GTF2A1L: variants seen among roughly 807,000 people sequenced by gnomAD.
GTF2A1L encodes the protein general transcription factor IIA subunit 1 like, also known as TFIIA-alpha and beta-like factor.
GTF2A1L carries 48 observed loss-of-function variants against 49.7 expected under a neutral mutation model. The observed-to-expected ratio is 0.97, with a 90% CI of 0.77 to 1.23. The LOEUF is 1.23. Among genes scored for constraint, GTF2A1L ranks in the 50% most tolerant of loss-of-function variants. GTF2A1L has a pLI of 0.00. For missense variants in GTF2A1L, 736 were observed against 564.8 expected (o/e 1.30, Z -3.07); for synonymous variants, 246 against 193.5 (o/e 1.27, Z -2.25).
In GTF2A1L at chr2:48,646,936, T is replaced by A. The variant is rs557430813; in HGVS notation, c.872T>A (p.Val291Glu). The A allele has an allele frequency of 1.4e-4, 224 of 1,614,178 alleles. 2 individuals are homozygous for A. In the South Asian group the frequency reaches 2.3e-3, roughly 17 times the overall value. The change falls in exon 6 of 9, where the codon GTG becomes GAG. Residue 291 changes from valine to glutamate, a missense_variant. Transcript: ENST00000403751. ...CCTCATGGGGCTCTCCACCAGCACG[T>A]GACTGATATTCAGCTTCATATTCTT... is the stretch of plus-strand genomic sequence containing the variant. ...TSPHGALHQH[V>E]TDIQLHILKN...
chr2:48,631,516 C>T (rs968185409), intron 3 of GTF2A1L, among the ~76,000 whole-genome samples: 57 of 151,340 alleles, frequency 3.8e-4, no homozygotes, highest in African/African-American at 1.3e-3. Context: ...CCCTTTTTTT[C>T]TTTGTTAATC....
chr2:48,679,121 A>G (rs1265809132), intron 8 of GTF2A1L, among the ~76,000 whole-genome samples: 2 of 152,006 alleles, frequency 1.3e-5, no homozygotes, highest in African/African-American at 4.8e-5. Flanking sequence ...ATAGAAATAT[A>G]TGTATCTTAA....
At chr2:48,658,004 A>G (rs1219805389) in intron 6 of GTF2A1L, among the ~76,000 whole-genome samples, 2 of 152,134 alleles carry the variant, frequency 1.3e-5, no homozygotes, top group Non-Finnish European at 2.9e-5. Context: ...TCTGGATACT[A>G]CAACTTTGTC....
intron 6 of GTF2A1L, among the ~76,000 whole-genome samples, chr2:48,666,320 C>G (rs1311583094): frequency 2.0e-5 from 3 of 152,058 alleles, no homozygotes; most frequent in African/African-American, 4.8e-5. Flanking sequence ...TTTCACCTGC[C>G]TCAGCCTCCT....
At chr2:48,621,759 G>A (rs1285037869) in intron 3 of GTF2A1L, among the ~76,000 whole-genome samples, 2 of 152,070 alleles carry the variant, frequency 1.3e-5, no homozygotes, top group Non-Finnish European at 2.9e-5. Flanking sequence ...TCACTGTTTT[G>A]GATATATAAA....
intron 3 of GTF2A1L, among the ~76,000 whole-genome samples, chr2:48,622,421 T>C (rs889066805): frequency 6.6e-6 from 1 of 152,238 alleles, no homozygotes; most frequent in Admixed American, 6.5e-5. Flanking sequence ...TACTATTTCA[T>C]TGGGACATCT....
In GTF2A1L at chr2:48,646,896, TC is replaced by T; in HGVS notation, c.835del (p.Leu279SerfsTer13). On this transcript the variant is annotated frameshift_variant, in exon 6 of 9. Transcript: ENST00000403751. LOFTEE classifies it high-confidence loss of function. Reference protein sequence around the residue: ...ASMAQNLHDESLSTSPHGALH... With the variant: ...ASMAQNLHDEXLSTSPHGALH... ...CATGGCTCAAAATCTGCATGATGAGTCCCTCTCCACAAGCCCTCATGGGGCT... is the reference window on the plus strand; with the variant it reads ...CATGGCTCAAAATCTGCATGATGAGTCCTCTCCACAAGCCCTCATGGGGCT... 6.2e-7 allele frequency: 1 copy of T among 1,614,062 alleles called. No homozygotes were observed. Among genetic ancestry groups the T allele is most frequent in the South Asian group, 1.1e-5 (1 of 91,070 alleles).
chr2:48,661,246 A>ATTTTTTTTTTTTTTTT (rs1558757501), intron 6 of GTF2A1L, among the ~76,000 whole-genome samples: 3 of 71,848 alleles, frequency 4.2e-5, no homozygotes, highest in African/African-American at 1.9e-4. Context: ...GCATCCCCAA[A>ATTTTTTTTTTTTTTTT]CTTTTTTTTT....
chr2:48,671,463 C>G (rs967320225), intron 7 of GTF2A1L, 128 bp from the exon 8 acceptor site: 2 of 879,642 alleles, frequency 2.3e-6, no homozygotes, highest in East Asian at 5.5e-5. Flanking sequence ...CTAGGCCTCC[C>G]GTAGTGCTGG....
At chr2:48,651,961 G>A (rs899962329) in intron 6 of GTF2A1L, among the ~76,000 whole-genome samples, 2 of 152,174 alleles carry the variant, frequency 1.3e-5, no homozygotes, top group African/African-American at 4.8e-5. Context: ...GGATGTTGCT[G>A]TACAACTCCT....
chr2:48,646,892 T>G lies in GTF2A1L; in HGVS notation c.828T>G (p.Asp276Glu). Residue 276 changes from aspartate (D) to glutamate (E), a missense_variant, in exon 6 of 9, where the codon GAT becomes GAG. Physicochemically the swap from Asp to Glu is conservative, Grantham distance 45. Transcript: ENST00000403751. ...CTAGCATGGCTCAAAATCTGCATGA[T>G]GAGTCCCTCTCCACAAGCCCTCATG... Reference protein sequence around the residue: ...GSASMAQNLHDESLSTSPHGA... With the variant: ...GSASMAQNLHEESLSTSPHGA... 1 of 1,614,224 alleles carries G rather than the reference T, an allele frequency of 6.2e-7. No individual in the cohort carries two copies. The highest frequency in any genetic ancestry group is 8.5e-7 in the Non-Finnish European group (1 of 1,180,038).
At chr2:48,656,653 C>A (rs1219710833) in intron 6 of GTF2A1L, among the ~76,000 whole-genome samples, 2 of 151,972 alleles carry the variant, frequency 1.3e-5, no homozygotes, top group Non-Finnish European at 2.9e-5. Context: ...GTTGCCTTTA[C>A]TCTCTGTTAA....
At chr2:48,669,621 G>A in intron 6 of GTF2A1L, 101 bp from the exon 7 acceptor site, 1 of 1,431,776 alleles carries the variant, frequency 7.0e-7, no homozygotes, top group East Asian at 2.3e-5. Flanking sequence ...AAGTTTGCTT[G>A]AACTGACCAT....
rs529422201 is a variant in GTF2A1L at position 48,637,780 on chromosome 2, T to C, written c.248-4622T>C. Among the ~76,000 whole-genome samples the C allele has an allele frequency of 5.3e-4, 81 of 151,686 alleles. No individual in the cohort carries two copies. The South Asian group carries it at 0.017, about 31-fold the overall frequency. On this transcript the variant is annotated intron_variant, in intron 3 of 8. Coordinates refer to ENST00000403751, the MANE Select transcript of GTF2A1L (RefSeq NM_006872.5). ...TAAACACAATTAGAAATGAAGGGAA[T>C]GTTACCACTGACCCCACAGAAATAA...
chr2:48,645,105 C>T lies in GTF2A1L; in HGVS notation c.376C>T (p.Gln126Ter), dbSNP rs770601769. The part of the protein sequence containing the change: ...PIHVPAGVTL[Q>*]TVSGHLYKVN... ...TCATGTACCAGCAGGTGTGACACTA[C>T]AGACTGTATCTGGTGAGAGTATATT... The change falls in exon 5 of 9, where the codon CAG becomes TAG. Residue 126 changes from glutamine to a stop codon, truncating the protein, a stop_gained. Coordinates refer to ENST00000403751, the MANE Select transcript of GTF2A1L (RefSeq NM_006872.5). LOFTEE classifies it high-confidence loss of function. 6.2e-7 allele frequency: 1 copy of T among 1,609,742 alleles called. No individual in the cohort carries two copies. The highest frequency in any genetic ancestry group is 1.7e-5 in the Admixed American group (1 of 59,158).
rs545473276 is a variant in GTF2A1L, at chr2:48,646,387, T to G, written c.389-66T>G. 1.7e-4 allele frequency: 232 copies of G among 1,345,920 alleles called. No individual in the cohort carries two copies. In the African/African-American group the frequency reaches 2.1e-3, roughly 12 times the overall value. 83.4% of individuals were successfully genotyped at this position (1,345,920 alleles called of 1,614,324 possible). A position where few individuals can be genotyped will look rare whatever the true frequency, so the allele number is the denominator to read the frequency against. The stretch of plus-strand genomic sequence containing the variant: ...TTGTGGATGAGATTTTTTTTTTTTT[T>G]TGTGGTGGTTGTCAAAGGAAATTTT... On this transcript the variant is annotated intron_variant, in intron 5 of 8. Transcript: ENST00000403751.
intron 1 of GTF2A1L, among the ~76,000 whole-genome samples, 200 bp from the exon 2 acceptor site, chr2:48,620,651 C>G (rs1008717159): frequency 6.6e-6 from 1 of 152,106 alleles, no homozygotes; most frequent in African/African-American, 2.4e-5. Context: ...GTGGCATGCA[C>G]CTGTAATCGC....
Position 48,646,640 on chromosome 2 carries a change from C to T in GTF2A1L, c.576C>T (p.Thr192=), listed in dbSNP as rs748068634. The change falls in exon 6 of 9, where the codon ACC becomes ACT. Residue 192 remains threonine, a synonymous_variant. Coordinates refer to ENST00000403751, the MANE Select transcript of GTF2A1L (RefSeq NM_006872.5). ...ATTEKSQRIE[T]VLQQPAILPS... is the part of the protein sequence containing the mutation. ...CTGAAAAATCACAGAGAATTGAAAC[C>T]GTGCTACAGCAACCCGCAATTCTAC... 4.6e-5 allele frequency: 75 copies of T among 1,613,860 alleles called. 2 individuals are homozygous for T. Among genetic ancestry groups the T allele is most frequent in the South Asian group, 8.8e-5 (8 of 91,056 alleles).
chr2:48,658,822 G>T (rs1309062297), intron 6 of GTF2A1L, among the ~76,000 whole-genome samples: 1 of 148,464 alleles, frequency 6.7e-6, no homozygotes. Flanking sequence ...ATTTTTGTGG[G>T]ATTGGTTGTA....
Sources: allele counts gnomAD v4.1 joint callset (sites outside exome capture counted in the v4.1 genomes callset), GRCh38; gene constraint gnomAD v4.1.1; transcripts MANE v1.5; gene names NCBI Gene and HGNC (gene_info 2026-07-23, HGNC 2026-07-21).